SH3BP5: variants seen among roughly 807,000 people sequenced by gnomAD.
The protein encoded by SH3BP5 is SH3 domain binding protein 5.
In SH3BP5, 22 loss-of-function variants were observed where a neutral mutation model predicts 43.3. The observed-to-expected ratio is 0.51, with a 90% CI of 0.36 to 0.73. The LOEUF is 0.73. SH3BP5 is among the 30% of genes least tolerant of loss of function. The pLI, the probability that SH3BP5 is intolerant of heterozygous loss-of-function variation, is 0.00. For synonymous variants in SH3BP5, 255 were observed against 225.8 expected, an observed-to-expected ratio of 1.13 and a Z score of -1.16; for missense variants, 529 against 586.9, an observed-to-expected ratio of 0.90 and a Z score of 1.02.
intron 1 of SH3BP5, chr3:15,330,839 T>A: frequency 1.5e-6 from 1 of 648,114 alleles, no homozygotes. Flanking sequence ...GTACATGCCT[T>A]CAGGTAAACC....
chr3:15,265,556 ACAC>A (rs1696611394), intron 4 of SH3BP5, among the ~76,000 whole-genome samples: 2 of 137,896 alleles, frequency 1.5e-5, no homozygotes, highest in East Asian at 2.1e-4. Flanking sequence ...ACACACACAC[ACAC>A]AACCCTCCAG....
At chr3:15,257,241 A>G (rs1359464486) in intron 7 of SH3BP5, 128 bp from the exon 8 acceptor site, 7 of 952,636 alleles carry the variant, frequency 7.3e-6, no homozygotes, top group Non-Finnish European at 1.1e-5. Flanking sequence ...TGAGTGCCTA[A>G]TGAAGGAATG....
chr3:15,341,258 C>T (rs1369790027), exon 1 of SH3BP5: 1 of 152,568 alleles, frequency 6.6e-6, no homozygotes, highest in Non-Finnish European at 1.5e-5. Flanking sequence ...CTGGCTCTGT[C>T]CTCAGGGCTT....
intron 3 of SH3BP5, among the ~76,000 whole-genome samples, chr3:15,274,151 C>G (rs1209649732): frequency 6.6e-6 from 1 of 151,892 alleles, no homozygotes; most frequent in African/African-American, 2.4e-5. Flanking sequence ...GAGGCTGAGG[C>G]AGGAGAATCA....
chr3:15,281,663 A>G (rs1697133221), intron 3 of SH3BP5, among the ~76,000 whole-genome samples: 1 of 152,136 alleles, frequency 6.6e-6, no homozygotes, highest in Non-Finnish European at 1.5e-5. Context: ...TGGACAAACA[A>G]GCCCCCTGTA....
At chr3:15,272,998 A>G (rs921818752) in intron 3 of SH3BP5, 7 of 308,108 alleles carry the variant, frequency 2.3e-5, no homozygotes, top group Non-Finnish European at 2.8e-5. Context: ...TAGTTCTTTC[A>G]TGTGAGGACA....
intron 2 of SH3BP5, among the ~76,000 whole-genome samples, chr3:15,325,934 G>A (rs1313662149): frequency 2.0e-5 from 3 of 152,080 alleles, no homozygotes; most frequent in East Asian, 1.9e-4. Context: ...CTGGAGAATC[G>A]CTTGAACCCG....
intron 2 of SH3BP5, among the ~76,000 whole-genome samples, chr3:15,308,001 A>T (rs187388233): frequency 3.6e-4 from 55 of 151,202 alleles, no homozygotes; most frequent in African/African-American, 1.3e-3. Context: ...ATTCACATTT[A>T]AAAAAAAAAT....
intron 3 of SH3BP5, among the ~76,000 whole-genome samples, chr3:15,300,957 G>A (rs1248616339): frequency 1.3e-5 from 2 of 152,136 alleles, no homozygotes; most frequent in African/African-American, 4.8e-5. Flanking sequence ...TTGCCCACAG[G>A]ACTCAGTAAT....
In SH3BP5 at chr3:15,262,236, C is replaced by G; in HGVS notation, c.549G>C (p.Thr183=). 1 of 1,614,196 alleles carries G rather than the reference C, an allele frequency of 6.2e-7. No individual in the cohort carries two copies. The highest frequency in any genetic ancestry group is 8.5e-7 in the Non-Finnish European group (1 of 1,180,036). ...KTRSELVHKE[T]AARYNAAMGR... is the part of the protein sequence containing the mutation. The stretch of plus-strand genomic sequence containing the variant: ...CCATGGCGGCATTGTACCTGGCTGC[C>G]GTCTCCTTATGCACCAGCTCGCTCC... The change falls in exon 5 of 9, where the codon ACG becomes ACC. Residue 183 remains threonine, a synonymous_variant. Transcript: ENST00000383791.
upstream of SH3BP5, chr3:15,333,248 A>C: frequency 1.0e-6 from 1 of 985,496 alleles, no homozygotes; most frequent in Non-Finnish European, 1.2e-6. Flanking sequence ...TGGCAGACAC[A>C]GCATCCGAAA....
chr3:15,257,607 G>A (rs983152044), intron 7 of SH3BP5: 4 of 154,108 alleles, frequency 2.6e-5, no homozygotes, highest in African/African-American at 7.2e-5. Flanking sequence ...TTATCTCCAG[G>A]TAACTTCTGA....
At chr3:15,304,342 C>T (rs1248381245) in intron 2 of SH3BP5, 111 bp from the exon 3 acceptor site, 1 of 1,515,280 alleles carries the variant, frequency 6.6e-7, no homozygotes, top group Non-Finnish European at 9.0e-7. Context: ...AACGTACAGA[C>T]CCCTAAAGTA....
intron 3 of SH3BP5, among the ~76,000 whole-genome samples, chr3:15,298,120 G>T (rs916799145): frequency 4.6e-5 from 7 of 151,920 alleles, no homozygotes; most frequent in Admixed American, 3.3e-4. Context: ...GGGACCACAG[G>T]CATGCACCAT....
intron 3 of SH3BP5, among the ~76,000 whole-genome samples, chr3:15,303,666 C>T (rs1697816131): frequency 6.7e-6 from 1 of 149,238 alleles, no homozygotes; most frequent in Non-Finnish European, 1.5e-5. Context: ...GAGTGTATAA[C>T]AACTCACCTG....
At chr3:15,290,747 C>T (rs113121112) in intron 3 of SH3BP5, among the ~76,000 whole-genome samples, 57 of 152,160 alleles carry the variant, frequency 3.7e-4, no homozygotes, top group African/African-American at 1.3e-3. Context: ...CAAAGTGAGG[C>T]TTCCTAACCA....
At chr3:15,329,516 T>C (rs76459659) in intron 2 of SH3BP5, among the ~76,000 whole-genome samples, 21,743 of 152,160 alleles carry the variant, frequency 0.14, 1,817 homozygotes, top group East Asian at 0.32. Flanking sequence ...GCAACAGGCT[T>C]TTTCATCCAC....
At chr3:15,278,572 CCT>C (rs1697035353) in intron 3 of SH3BP5, among the ~76,000 whole-genome samples, 1 of 152,148 alleles carries the variant, frequency 6.6e-6, no homozygotes, top group Admixed American at 6.5e-5. Flanking sequence ...CCGTTTCACC[CCT>C]GAGGATGTCT....
intron 2 of SH3BP5, among the ~76,000 whole-genome samples, chr3:15,319,914 CACAAATCATAGGCAA>C (rs1698277989): frequency 6.6e-6 from 1 of 152,268 alleles, no homozygotes; most frequent in Admixed American, 6.5e-5. Flanking sequence ...ATTCCTGACC[CACAAATCATAGGCAA>C]AATAGAACAG....
Sources: gnomAD v4.1 joint callset for allele counts (sites outside exome capture counted in the v4.1 genomes callset) on GRCh38, gnomAD v4.1.1 for gene constraint, MANE v1.5 for transcripts, NCBI Gene and HGNC (gene_info 2026-07-23, HGNC 2026-07-21) for gene names.